Variants in DISC1 observed in about 807,000 individuals in gnomAD.
The protein encoded by DISC1 is DISC1 scaffold protein.
Under a neutral mutation model 84.5 loss-of-function variants are expected in DISC1, and 57 were observed. The observed-to-expected ratio is 0.67, with a 90% CI of 0.55 to 0.84. The LOEUF is 0.84. Ranked by LOEUF, DISC1 falls within the 40% of genes least tolerant of loss-of-function variation. The pLI, the probability that DISC1 is intolerant of heterozygous loss-of-function variation, is 0.00. For missense variants in DISC1, 1,000 were observed against 1,057.8 expected, an observed-to-expected ratio of 0.95 and a Z score of 0.76; for synonymous variants, 411 against 415.2, an observed-to-expected ratio of 0.99 and a Z score of 0.12.
At chr1:231,749,781 G>T (rs200939982) in intron 3 of DISC1, 145 bp from the exon 4 acceptor site, 1 of 1,015,732 alleles carries the variant, frequency 9.8e-7, no homozygotes, top group Non-Finnish European at 1.5e-6. Context: ...ACTGAGAGAT[G>T]AAAGTGCTGG....
At chr1:231,899,594 G>T (rs763606193) in intron 9 of DISC1, among the ~76,000 whole-genome samples, 1 of 152,134 alleles carries the variant, frequency 6.6e-6, no homozygotes, top group African/African-American at 2.4e-5. Context: ...AGTACTCAGA[G>T]CTTTGCTCCC....
chr1:231,897,943 A>T lies in DISC1; in HGVS notation c.1982-60885A>T, dbSNP rs938956698. Among the ~76,000 whole-genome samples, 1 of 152,188 alleles carries T rather than the reference A, an allele frequency of 6.6e-6. No homozygotes were observed. The highest frequency in any genetic ancestry group is 1.5e-5 in the Non-Finnish European group (1 of 68,028). On this transcript the variant is annotated intron_variant, in intron 9 of 12. Transcript: ENST00000439617. This position sits in a 1 kb window ranked among gnomAD's most constrained non-coding sequence, Gnocchi z 4.5. ...GGTGGCCCTCGATTAAATATATACGAGCAAGTATTTATTGAATCTCATTTT... is the reference window on the plus strand; with the variant it reads ...GGTGGCCCTCGATTAAATATATACGTGCAAGTATTTATTGAATCTCATTTT...
At chr1:231,948,861 ATTTTTTT>A (rs58931988) in intron 9 of DISC1, among the ~76,000 whole-genome samples, 2,659 of 94,518 alleles carry the variant, frequency 0.028, 91 homozygotes, top group African/African-American at 0.11. Flanking sequence ...TCCTGTGTTA[ATTTTTTT>A]TTTTTTTTTT....
chr1:231,766,733 T>C (rs1049095171), intron 4 of DISC1, among the ~76,000 whole-genome samples: 1 of 152,246 alleles, frequency 6.6e-6, no homozygotes, highest in South Asian at 2.1e-4. Flanking sequence ...TAATTCAATA[T>C]ATCCAAAATA....
At chr1:231,872,876 T>G (rs1349113539) in intron 9 of DISC1, among the ~76,000 whole-genome samples, 1 of 152,248 alleles carries the variant, frequency 6.6e-6, no homozygotes, top group Non-Finnish European at 1.5e-5. Context: ...TTACCCCAGA[T>G]AAGCAATTAT....
intron 9 of DISC1, among the ~76,000 whole-genome samples, chr1:231,870,138 G>A (rs1275475037): frequency 6.6e-6 from 1 of 152,106 alleles, no homozygotes; most frequent in Non-Finnish European, 1.5e-5. Context: ...GATGAGGTTT[G>A]AACACTTGGC....
chr1:231,638,282 C>G (rs1048640606), intron 1 of DISC1, among the ~76,000 whole-genome samples: 1 of 152,150 alleles, frequency 6.6e-6, no homozygotes, highest in South Asian at 2.1e-4. Context: ...CAGGTTGTCT[C>G]TTAAGTCTGT....
chr1:232,025,148 A>G (rs1352594195), intron 11 of DISC1, among the ~76,000 whole-genome samples: 3 of 152,154 alleles, frequency 2.0e-5, no homozygotes, highest in African/African-American at 7.2e-5. Flanking sequence ...ACTTGAGTGG[A>G]CACAGAACTT....
intron 4 of DISC1, among the ~76,000 whole-genome samples, chr1:231,758,875 A>G (rs1209943799): frequency 1.3e-5 from 2 of 152,212 alleles, no homozygotes; most frequent in Admixed American, 1.3e-4. Flanking sequence ...TGTACGTGAA[A>G]ACTGGTCCTA....
Position 231,687,770 on chromosome 1 carries a change from A to T in DISC1, c.68-6056A>T, listed in dbSNP as rs182384491. On this transcript the variant is annotated intron_variant, in intron 1 of 12. Transcript: ENST00000439617. ...AAAAATAGAATGGTGGTTACCAGGG[A>T]CTGGGGCAGGGGGAAATGGGGAGTT... Among the ~76,000 whole-genome samples, 15 of 152,292 alleles carry T rather than the reference A, an allele frequency of 9.8e-5. No individual in the cohort carries two copies. In the East Asian group the frequency reaches 2.3e-3, roughly 24 times the overall value.
rs1037281785 is a variant in DISC1, at chr1:231,689,418, G to A, written c.68-4408G>A. Among the ~76,000 whole-genome samples, 6 of 151,752 alleles carry A rather than the reference G, an allele frequency of 4.0e-5. No homozygotes were observed. The East Asian group carries it at 5.8e-4, about 15-fold the overall frequency. On this transcript the variant is annotated intron_variant, in intron 1 of 12. Coordinates refer to ENST00000439617, the MANE Select transcript of DISC1 (RefSeq NM_018662.3). ...GTGGTCTCGGCTCACTGCAACCTCC[G>A]TCTCCCAGGTTCCAGTGATTCTCCT...
chr1:231,983,415 A>G (rs1307879716), intron 10 of DISC1, among the ~76,000 whole-genome samples: 3 of 150,090 alleles, frequency 2.0e-5, no homozygotes, highest in Non-Finnish European at 4.4e-5. Flanking sequence ...TGCAGAGGAA[A>G]CAACGCGTGC....
intron 1 of DISC1, among the ~76,000 whole-genome samples, chr1:231,682,204 G>T (rs2063765378): frequency 6.6e-6 from 1 of 152,146 alleles, no homozygotes; most frequent in Non-Finnish European, 1.5e-5. Flanking sequence ...TCTGGGTGTG[G>T]TGTCGACTCC....
chr1:231,767,365 CAA>C (rs2076244615), intron 5 of DISC1, 96 bp downstream of exon 5: 1 of 1,520,156 alleles, frequency 6.6e-7, no homozygotes, highest in Non-Finnish European at 8.9e-7. Context: ...GGCAGTGGTG[CAA>C]TCATAGCTCA....
chr1:231,935,471 C>T (rs140576246), intron 9 of DISC1, among the ~76,000 whole-genome samples: 7 of 152,086 alleles, frequency 4.6e-5, no homozygotes, highest in Admixed American at 1.3e-4. Context: ...GTCCTCTACG[C>T]GTGATATAAA....
intron 6 of DISC1, among the ~76,000 whole-genome samples, chr1:231,778,166 G>A (rs969274000): frequency 6.6e-6 from 1 of 152,186 alleles, no homozygotes; most frequent in Non-Finnish European, 1.5e-5. Flanking sequence ...GACAGCCTGG[G>A]AAGACCAAAC....
chr1:231,930,057 A>G (rs2090562147), intron 9 of DISC1, among the ~76,000 whole-genome samples: 1 of 152,194 alleles, frequency 6.6e-6, no homozygotes, highest in South Asian at 2.1e-4. Context: ...AACCCCTGGG[A>G]CCTGATACAA....
intron 10 of DISC1, among the ~76,000 whole-genome samples, chr1:231,982,539 G>A (rs995064314): frequency 1.2e-4 from 19 of 152,164 alleles, no homozygotes; most frequent in African/African-American, 4.3e-4. Flanking sequence ...ATTAAGCAGA[G>A]TGGCAGATAA....
chr1:231,848,002 A>G (rs1326298888), intron 9 of DISC1, among the ~76,000 whole-genome samples: 1 of 152,202 alleles, frequency 6.6e-6, no homozygotes, highest in African/African-American at 2.4e-5. Context: ...CCTGAAGTCC[A>G]AGACTTTATT....
Sources: gnomAD v4.1 joint callset for allele counts (sites outside exome capture counted in the v4.1 genomes callset) on GRCh38, gnomAD v4.1.1 for gene constraint, Gnocchi (gnomAD v3.1) non-coding constraint, MANE v1.5 for transcripts, NCBI Gene and HGNC (gene_info 2026-07-23, HGNC 2026-07-21) for gene names.